Variants in FHOD3 observed in about 807,000 individuals in gnomAD.
FHOD3 encodes the protein FH1/FH2 domain-containing protein 3.
FHOD3 carries 90 observed loss-of-function variants against 173.0 expected under a neutral mutation model. That is an observed-to-expected ratio of 0.52 (90% CI 0.44 to 0.62). FHOD3 has a LOEUF of 0.62. Among genes scored for constraint, FHOD3 ranks in the 20% least tolerant of loss-of-function variants. The probability of loss-of-function intolerance (pLI) is 0.00; values close to 1 mark genes in which losing one functional copy is unlikely to be tolerated. For synonymous variants in FHOD3, 828 were observed against 823.0 expected, an observed-to-expected ratio of 1.01 and a Z score of -0.10; for missense variants, 1,945 against 2,034.7, an observed-to-expected ratio of 0.96 and a Z score of 0.85.
At chr18:36,619,515 G>A (rs2033524958) in intron 9 of FHOD3, among the ~76,000 whole-genome samples, 1 of 152,212 alleles carries the variant, frequency 6.6e-6, no homozygotes. Context: ...GCTGAAAACA[G>A]CACTTCTTCT....
intron 7 of FHOD3, 84 bp from the exon 8 acceptor site, chr18:36,602,590 G>A (rs2031535346): frequency 9.7e-6 from 10 of 1,028,668 alleles, no homozygotes; most frequent in Admixed American, 1.7e-5. Flanking sequence ...CACTGGATAC[G>A]TCCTTGGATA....
chr18:36,607,162 A>C (rs759667282), intron 8 of FHOD3, among the ~76,000 whole-genome samples: 4 of 152,148 alleles, frequency 2.6e-5, no homozygotes, highest in South Asian at 2.1e-4. Context: ...CCCTGTGACA[A>C]ATCTCTTCCT....
intron 3 of FHOD3, among the ~76,000 whole-genome samples, chr18:36,421,583 T>C (rs1451744571): frequency 6.6e-6 from 1 of 152,218 alleles, no homozygotes; most frequent in Non-Finnish European, 1.5e-5. Context: ...AAACATTTCA[T>C]AGCGGTAAAG....
chr18:36,369,506 TAGAGAG>T (rs71168219), intron 2 of FHOD3, among the ~76,000 whole-genome samples: 3,516 of 127,386 alleles, frequency 0.028, 93 homozygotes, highest in East Asian at 0.082. Flanking sequence ...CACATATATA[TAGAGAG>T]AGAGAGAGAG....
At chr18:36,678,568 G>GAAAA (rs1297106512) in intron 14 of FHOD3, among the ~76,000 whole-genome samples, 2 of 113,896 alleles carry the variant, frequency 1.8e-5, no homozygotes, top group African/African-American at 6.2e-5. Flanking sequence ...AAGAAAGAAA[G>GAAAA]AAAAAAAGAT....
At chr18:36,332,513 C>G (rs2045074045) in intron 1 of FHOD3, among the ~76,000 whole-genome samples, 1 of 152,210 alleles carries the variant, frequency 6.6e-6, no homozygotes, top group South Asian at 2.1e-4. Flanking sequence ...TAACTTGCCC[C>G]ATTTTGGTTC....
chr18:36,512,300 T>A, intron 4 of FHOD3, 138 bp from the exon 5 acceptor site: 2 of 666,176 alleles, frequency 3.0e-6, no homozygotes, highest in South Asian at 3.5e-5. Context: ...ACAGTTGATA[T>A]GCTTCATTTG....
At chr18:36,701,131 G>A (rs1173186018) in intron 17 of FHOD3, among the ~76,000 whole-genome samples, 3 of 152,204 alleles carry the variant, frequency 2.0e-5, no homozygotes, top group African/African-American at 7.2e-5. Flanking sequence ...ATGAGTTGGC[G>A]AATGGTCAAG....
intron 9 of FHOD3, among the ~76,000 whole-genome samples, chr18:36,616,445 C>T (rs79847275): frequency 0.11 from 17,356 of 152,244 alleles, 1,037 homozygotes; most frequent in Non-Finnish European, 0.13. Context: ...CACATTTTCT[C>T]TCCAGCCTAC....
chr18:36,352,610 C>T (rs1305105080), intron 1 of FHOD3, among the ~76,000 whole-genome samples: 1 of 152,188 alleles, frequency 6.6e-6, no homozygotes, highest in Non-Finnish European at 1.5e-5. Flanking sequence ...CTCCCTCTGG[C>T]TGAGTGTGGA....
chr18:36,561,000 C>T (rs941760167), intron 5 of FHOD3, among the ~76,000 whole-genome samples: 15 of 151,972 alleles, frequency 9.9e-5, no homozygotes, highest in South Asian at 2.1e-4. Flanking sequence ...ATTTAAATTC[C>T]GCAGACATTC....
At chr18:36,352,177 C>T (rs1489851568) in intron 1 of FHOD3, among the ~76,000 whole-genome samples, 3 of 151,618 alleles carry the variant, frequency 2.0e-5, no homozygotes, top group East Asian at 1.9e-4. Context: ...TTTGGGAGGC[C>T]GGGGTGGGAG....
chr18:36,565,104 CAATTAAGTGGAAAAGAATAATA>C lies in FHOD3; in HGVS notation c.512-11345_512-11324del, dbSNP rs1568433602. The stretch of plus-strand genomic sequence containing the variant: ...ACCGGAGCTTGTTATTTAGGGCAGA[CAATTAAGTGGAAAAGAATAATA>C]ACTAGACTCCAAGGTCTTCATTTAG... On this transcript the variant is annotated intron_variant, in intron 5 of 28. Coordinates refer to ENST00000590592, the MANE Select transcript of FHOD3 (RefSeq NM_001281740.3). Among the ~76,000 whole-genome samples the C allele has an allele frequency of 3.3e-5, 5 of 152,052 alleles. No individual in the cohort carries two copies. In the East Asian group the frequency reaches 9.6e-4, roughly 29 times the overall value.
intron 14 of FHOD3, among the ~76,000 whole-genome samples, chr18:36,661,426 A>G (rs1316383247): frequency 6.6e-6 from 1 of 152,152 alleles, no homozygotes; most frequent in African/African-American, 2.4e-5. Flanking sequence ...ACCAAAAAGG[A>G]ACTATATTAT....
intron 19 of FHOD3, among the ~76,000 whole-genome samples, chr18:36,723,413 A>G (rs9963025): frequency 0.016 from 2,456 of 152,116 alleles, 55 homozygotes; most frequent in African/African-American, 0.056. Context: ...TTGCCTTAAT[A>G]CTTTCCTATA....
At chr18:36,592,385 G>A (rs555854684) in intron 6 of FHOD3, among the ~76,000 whole-genome samples, 2 of 152,370 alleles carry the variant, frequency 1.3e-5, no homozygotes, top group South Asian at 4.1e-4. Flanking sequence ...AATAACCAGT[G>A]AGAAGACGCT....
At position 36,658,131 on chromosome 18, in the gene FHOD3, G is replaced by C; in HGVS notation, c.1778G>C (p.Ser593Thr). ...TCCTCAAGACCCTCATCTGGATCCAGTGTGCCCACCACCCCCACATCATCC... is the reference window on the plus strand; with the variant it reads ...TCCTCAAGACCCTCATCTGGATCCACTGTGCCCACCACCCCCACATCATCC... ...YHSSRPSSGS[S>T]VPTTPTSSVS... The change falls in exon 14 of 29, where the codon AGT becomes ACT. Residue 593 changes from serine to threonine, a missense_variant. By Grantham distance (58) the Ser-to-Thr change is moderately conservative. Coordinates refer to ENST00000590592, the MANE Select transcript of FHOD3 (RefSeq NM_001281740.3). The C allele has an allele frequency of 6.3e-7, 1 of 1,597,360 alleles. No individual in the cohort carries two copies. Among genetic ancestry groups the C allele is most frequent in the Non-Finnish European group, 8.5e-7 (1 of 1,173,650 alleles).
At chr18:36,773,508 G>A (rs1229505287) in intron 28 of FHOD3, among the ~76,000 whole-genome samples, 2 of 152,228 alleles carry the variant, frequency 1.3e-5, no homozygotes, top group Non-Finnish European at 2.9e-5. Flanking sequence ...CAGCAGGGAT[G>A]GGGCCTGGGT....
chr18:36,576,422 A>T (rs1257823117), intron 5 of FHOD3, 29 bp from the exon 6 acceptor site: 2 of 1,515,216 alleles, frequency 1.3e-6, no homozygotes, highest in Admixed American at 3.4e-5. Flanking sequence ...TACATCTATA[A>T]TGTCTCCTTT....
Sources: gnomAD v4.1 joint callset for allele counts (sites outside exome capture counted in the v4.1 genomes callset) on GRCh38, gnomAD v4.1.1 for gene constraint, MANE v1.5 for transcripts, NCBI Gene and HGNC (gene_info 2026-07-23, HGNC 2026-07-21) for gene names.